The following DOCK9 variants were observed in gnomAD, a reference collection of about 807,000 sequenced individuals.
The protein encoded by DOCK9 is dedicator of cytokinesis protein 9.
In DOCK9, 89 loss-of-function variants were observed where a neutral mutation model predicts 263.3. That is an observed-to-expected ratio of 0.34 (90% CI 0.28 to 0.40). The LOEUF is 0.40. Ranked by LOEUF, DOCK9 falls within the 10% of genes least tolerant of loss-of-function variation. The pLI, the probability that DOCK9 is intolerant of heterozygous loss-of-function variation, is 1.00. For synonymous variants in DOCK9, 976 were observed against 973.1 expected, an observed-to-expected ratio of 1.00 and a Z score of -0.06; for missense variants, 2,140 against 2,603.4, an observed-to-expected ratio of 0.82 and a Z score of 3.87.
At chr13:99,087,128 C>A (rs1391882063), upstream of DOCK9, among the ~76,000 whole-genome samples, 1 of 152,130 alleles carries the variant, frequency 6.6e-6, no homozygotes, top group African/African-American at 2.4e-5. Context: ...GATCGGAACC[C>A]GCGGCCGGCC....
chr13:98,923,371 G>T lies in DOCK9; in HGVS notation c.417C>A (p.Asn139Lys). Residue 139 changes from asparagine to lysine, a missense_variant and splice_region_variant, in exon 5 of 53, where the codon AAC becomes AAA. Coordinates refer to ENST00000682017, the MANE Select transcript of DOCK9 (RefSeq NM_001366683.2). ...DYSGEFRQLP[N>K]KVVKLDKLPV... ...GAAGTTTATCCAACTTGACCACTTTGCTATAAAAACAACAAAGAAAATTTG... is the reference window on the plus strand; with the variant it reads ...GAAGTTTATCCAACTTGACCACTTTTCTATAAAAACAACAAAGAAAATTTG... 1 of 1,613,574 alleles carries T rather than the reference G, an allele frequency of 6.2e-7. No homozygotes were observed. The highest frequency in any genetic ancestry group is 1.6e-4 in the Middle Eastern group (1 of 6,062).
At chr13:98,926,564 A>G (rs1344297910) in intron 3 of DOCK9, among the ~76,000 whole-genome samples, 2 of 152,246 alleles carry the variant, frequency 1.3e-5, no homozygotes, top group African/African-American at 4.8e-5. Flanking sequence ...ACCTCGCCAC[A>G]TGACAGATTC....
At chr13:98,866,970 G>A in intron 30 of DOCK9, 1 of 332,882 alleles carries the variant, frequency 3.0e-6, no homozygotes, top group South Asian at 2.6e-5. Context: ...ATACTTAACA[G>A]AACAGCATAT....
Position 98,960,628 on chromosome 13 carries a change from C to T in DOCK9, c.127-5077G>A, listed in dbSNP as rs78805765. Among the ~76,000 whole-genome samples the T allele has an allele frequency of 4.0e-3, 616 of 152,280 alleles. 1 individual carries two copies. The highest frequency in any genetic ancestry group is 0.01 in the Middle Eastern group (3 of 294). On this transcript the variant is annotated intron_variant, in intron 1 of 52. Coordinates refer to ENST00000682017, the MANE Select transcript of DOCK9 (RefSeq NM_001366683.2). ...AAAGGGAGAGGTAGTACCTTCAGTT[C>T]ACAAATAGTCCACAACAGTGGTTCT...
rs2092773717 is a variant in DOCK9 at position 98,831,774 on chromosome 13, C to T, written c.4327G>A (p.Ala1443Thr). 6.2e-7 allele frequency: 1 copy of T among 1,613,620 alleles called. No individual in the cohort carries two copies. The highest frequency in any genetic ancestry group is 1.3e-5 in the African/African-American group (1 of 74,906). Residue 1443 changes from alanine to threonine, a missense_variant, in exon 40 of 53, where the codon GCC becomes ACC. This residue lies in a region of DOCK9 where 619 missense variants were observed against 861.8 expected (regional missense o/e 0.72). Coordinates refer to ENST00000682017, the MANE Select transcript of DOCK9 (RefSeq NM_001366683.2). ...FTLAFKNQLL[A>T]DHGHNPLMKK... ...ATGAGAGGATTATGTCCATGGTCGGCCAGGAGCTGGTTCTTAAAACACACA... is the reference window on the plus strand; with the variant it reads ...ATGAGAGGATTATGTCCATGGTCGGTCAGGAGCTGGTTCTTAAAACACACA...
intron 15 of DOCK9, among the ~76,000 whole-genome samples, chr13:98,894,361 G>A (rs2047066668): frequency 6.6e-6 from 1 of 152,146 alleles, no homozygotes; most frequent in South Asian, 2.1e-4. Context: ...CCATCCCTCA[G>A]AGATAACCAT....
chr13:98,905,475 T>C (rs1388116522), intron 9 of DOCK9, among the ~76,000 whole-genome samples: 1 of 151,938 alleles, frequency 6.6e-6, no homozygotes, highest in Non-Finnish European at 1.5e-5. Context: ...ACAAGAACAC[T>C]TGGCCAGGAA....
rs749246954 is a variant in DOCK9, at chr13:98,914,371, C to G, written c.917G>C (p.Gly306Ala). 3 of 1,609,494 alleles carry G rather than the reference C, an allele frequency of 1.9e-6. No individual in the cohort carries two copies. Among genetic ancestry groups the G allele is most frequent in the East Asian group, 2.2e-5 (1 of 44,786 alleles). Residue 306 changes from glycine to alanine, a missense_variant, in exon 9 of 53, where the codon GGT becomes GCT. Transcript: ENST00000682017. ...HEDDEQSKLE[G>A]SGSGLDSYLP... Reference sequence around the variant, plus strand: ...GTAGCTATCTAAACCGGAACCAGAACCTTCCAATTTGCTTTGTTCATCATC... The same window carrying G: ...GTAGCTATCTAAACCGGAACCAGAAGCTTCCAATTTGCTTTGTTCATCATC...
At chr13:99,034,412 CT>C (rs569059418) in intron 1 of DOCK9, among the ~76,000 whole-genome samples, 107 of 152,298 alleles carry the variant, frequency 7.0e-4, no homozygotes, top group African/African-American at 2.3e-3. Context: ...AGCCTAAGAC[CT>C]TCTTTCCAAA....
At chr13:99,052,120 G>A (rs1283042402) in intron 1 of DOCK9, among the ~76,000 whole-genome samples, 1 of 152,176 alleles carries the variant, frequency 6.6e-6, no homozygotes, top group Non-Finnish European at 1.5e-5. Flanking sequence ...CCATGGAAAT[G>A]CTTGACTATC....
intron 1 of DOCK9, among the ~76,000 whole-genome samples, chr13:98,976,517 C>T (rs2060294025): frequency 6.6e-6 from 1 of 152,198 alleles, no homozygotes; most frequent in Non-Finnish European, 1.5e-5. Context: ...ACCTAAACCA[C>T]ACAACTTCCT....
chr13:98,887,240 C>T (rs911682586), intron 18 of DOCK9, among the ~76,000 whole-genome samples: 5 of 146,308 alleles, frequency 3.4e-5, no homozygotes, highest in Admixed American at 2.8e-4. Flanking sequence ...GGTTATGGAG[C>T]TAGACTGCCC....
intron 24 of DOCK9, 69 bp downstream of exon 24, chr13:98,881,823 C>A: frequency 7.4e-7 from 1 of 1,352,426 alleles, no homozygotes; most frequent in Non-Finnish European, 1.0e-6. Context: ...AGCATCCCAG[C>A]TATGCATGAC....
At chr13:98,927,185 A>AT (rs1369387465) in intron 3 of DOCK9, among the ~76,000 whole-genome samples, 1 of 152,194 alleles carries the variant, frequency 6.6e-6, no homozygotes, top group African/African-American at 2.4e-5. Flanking sequence ...AAACTTTTTG[A>AT]TTTTTTTACT....
intron 5 of DOCK9, among the ~76,000 whole-genome samples, chr13:98,922,509 C>T (rs915768767): frequency 5.3e-5 from 8 of 152,174 alleles, no homozygotes; most frequent in Non-Finnish European, 1.0e-4. Context: ...ATGACACTCC[C>T]CTATAGTCAG....
intron 45 of DOCK9, among the ~76,000 whole-genome samples, chr13:98,821,231 C>G (rs2092255064): frequency 6.6e-6 from 1 of 152,048 alleles, no homozygotes; most frequent in African/African-American, 2.4e-5. Context: ...TTGAGTTTGG[C>G]CAAGGATAGG....
intron 33 of DOCK9, chr13:98,858,112 A>T (rs908069298): frequency 6.6e-6 from 1 of 152,202 alleles, no homozygotes; most frequent in Non-Finnish European, 1.5e-5. Flanking sequence ...GAAATGCAAT[A>T]TATCAAAATC....
intron 1 of DOCK9, among the ~76,000 whole-genome samples, chr13:99,001,219 G>A (rs1400252951): frequency 6.6e-6 from 1 of 152,180 alleles, no homozygotes; most frequent in Non-Finnish European, 1.5e-5. Flanking sequence ...TTACTTGCTG[G>A]TACGAAACCA....
At chr13:98,898,086 C>A in intron 14 of DOCK9, 93 bp downstream of exon 14, 1 of 872,950 alleles carries the variant, frequency 1.1e-6, no homozygotes, top group Non-Finnish European at 1.8e-6. Context: ...CATTCAAATC[C>A]TCTTTGTCTC....
Sources: gnomAD v4.1 joint callset for allele counts (sites outside exome capture counted in the v4.1 genomes callset) on GRCh38, gnomAD v4.1.1 for gene constraint, gnomAD v4.1.1 regional missense constraint, MANE v1.5 for transcripts, NCBI Gene and HGNC (gene_info 2026-07-23, HGNC 2026-07-21) for gene names.